PDPK1: variants seen among roughly 807,000 people sequenced by gnomAD.
PDPK1 encodes 3-phosphoinositide dependent protein kinase 1.
PDPK1 carries 7 observed loss-of-function variants against 39.8 expected under a neutral mutation model. The ratio of observed to expected loss-of-function variants is 0.18; its 90% CI spans 0.10 to 0.33. The LOEUF is 0.33. PDPK1 is among the 10% of genes least tolerant of loss of function. PDPK1 has a pLI of 1.00. For synonymous variants in PDPK1, 118 were observed against 159.1 expected, an observed-to-expected ratio of 0.74 and a Z score of 1.95; for missense variants, 182 against 384.7, an observed-to-expected ratio of 0.47 and a Z score of 4.41.
At chr16:2,539,078 CTTTTT>C (rs57517702) in intron 1 of PDPK1, 181 of 146,122 alleles carry the variant, frequency 1.2e-3, no homozygotes, top group South Asian at 3.1e-3. Flanking sequence ...CAGGATGCGG[CTTTTT>C]TTTTTTTTTT....
chr16:2,545,204 A>G (rs2066319078), intron 1 of PDPK1, among the ~76,000 whole-genome samples: 1 of 151,640 alleles, frequency 6.6e-6, no homozygotes, highest in South Asian at 2.1e-4. Context: ...GTCGTGGCTA[A>G]TTTTTGCATT....
Position 2,538,076 on chromosome 16 carries a change from G to C in PDPK1, c.-37G>C. On this transcript the variant is annotated 5_prime_UTR_variant, in exon 1 of 14. Transcript: ENST00000342085. ...CGCTGAGGAGGCGCCGAGCCGCGCA[G>C]CGCTGCGGGGGAGGCGCCCGCGCCG... 3 of 1,023,388 alleles carry C rather than the reference G, an allele frequency of 2.9e-6. No individual in the cohort carries two copies. Among genetic ancestry groups the C allele is most frequent in the Non-Finnish European group, 3.5e-6 (3 of 847,286 alleles). 63.4% of individuals were successfully genotyped at this position (1,023,388 alleles called of 1,614,324 possible). A position where few individuals can be genotyped will look rare whatever the true frequency, so the allele number is the denominator to read the frequency against.
In PDPK1 at chr16:2,595,945, C is replaced by T. The variant is rs111568637; in HGVS notation, c.1401+95C>T. On this transcript the variant is annotated intron_variant, in intron 12 of 13. Transcript: ENST00000342085. ...GCAGCTTGGTGGCGTGGAATCCTTC[C>T]ATCTCTTGATTTTCATCAGACATCA... 6,757 of 898,474 alleles carry T rather than the reference C, an allele frequency of 7.5e-3. 282 individuals are homozygous for T. The African/African-American group carries it at 0.091, about 12-fold the overall frequency. 55.7% of individuals were successfully genotyped at this position (898,474 alleles called of 1,614,324 possible). A position where few individuals can be genotyped will look rare whatever the true frequency, so the allele number is the denominator to read the frequency against.
At chr16:2,538,700 G>T (rs2066184651) in intron 1 of PDPK1, 1 of 1,286,124 alleles carries the variant, frequency 7.8e-7, no homozygotes, top group Admixed American at 2.3e-5. Flanking sequence ...GCCCGTGGCT[G>T]TGCTCAGCGT....
rs1262631074 is a variant in PDPK1 at position 2,538,065 on chromosome 16, C to T, written c.-48C>T. 8 of 962,528 alleles carry T rather than the reference C, an allele frequency of 8.3e-6. No individual in the cohort carries two copies. In the African/African-American group the frequency reaches 8.9e-5, roughly 11 times the overall value. The allele number at this position is 962,528 out of a possible 1,614,324, so 59.6% of individuals were successfully genotyped here. A position where few individuals can be genotyped will look rare whatever the true frequency, so the allele number is the denominator to read the frequency against. The stretch of plus-strand genomic sequence containing the variant: ...GGGGAGGAGGACGCTGAGGAGGCGC[C>T]GAGCCGCGCAGCGCTGCGGGGGAGG... On this transcript the variant is annotated 5_prime_UTR_variant, in exon 1 of 14. Coordinates refer to ENST00000342085, the MANE Select transcript of PDPK1 (RefSeq NM_002613.5).
rs139549673 is a variant in PDPK1 at position 2,585,815 on chromosome 16, G to T, written c.1126-861G>T. Among the ~76,000 whole-genome samples, 296 of 152,368 alleles carry T rather than the reference G, an allele frequency of 1.9e-3. 1 individual carries two copies. The highest frequency in any genetic ancestry group is 6.7e-3 in the African/African-American group (280 of 41,588). ...TGAACACATGGGGGACGCTGCATGT[G>T]TGGATGGTTGCGTGGGGCAGCAGCC... On this transcript the variant is annotated intron_variant, in intron 10 of 13. Transcript: ENST00000342085.
chr16:2,597,350 C>A lies in PDPK1; in HGVS notation c.1554+75C>A. 7.4e-7 allele frequency: 1 copy of A among 1,359,908 alleles called. No individual in the cohort carries two copies. Among genetic ancestry groups the A allele is most frequent in the Non-Finnish European group, 1.0e-6 (1 of 985,086 alleles). The allele number at this position is 1,359,908 out of a possible 1,614,324, so 84.2% of individuals were successfully genotyped here. A position where few individuals can be genotyped will look rare whatever the true frequency, so the allele number is the denominator to read the frequency against. On this transcript the variant is annotated intron_variant, in intron 13 of 13. Coordinates refer to ENST00000342085, the MANE Select transcript of PDPK1 (RefSeq NM_002613.5). This position sits in a 1 kb window ranked among gnomAD's most constrained non-coding sequence, Gnocchi z 6.3. ...GCACCACGTGGGAAGCAGCCACAGG[C>A]CTTGGCCAGAGGGAGCAGCGGGGAT...
At chr16:2,575,702 GC>G (rs2066693708) in intron 6 of PDPK1, 1 of 119,004 alleles carries the variant, frequency 8.4e-6, no homozygotes. Flanking sequence ...GGAGATCCGA[GC>G]CCGTAGCTCG....
At position 2,598,090 on chromosome 16, in the gene PDPK1, C is replaced by G. The variant is rs1478123899; in HGVS notation, c.*323C>G. On this transcript the variant is annotated 3_prime_UTR_variant, in exon 14 of 14. Transcript: ENST00000342085. ...GTCCCGCCCAGACTAGTGGACAGAC[C>G]TGGTGTCACCAGTTTTTCCTAGCAT... 2.6e-6 allele frequency: 1 copy of G among 381,810 alleles called. No homozygotes were observed. Among genetic ancestry groups the G allele is most frequent in the Admixed American group, 4.3e-5 (1 of 23,030 alleles). The allele number at this position is 381,810 out of a possible 1,614,324, so 23.7% of individuals were successfully genotyped here. A position where few individuals can be genotyped will look rare whatever the true frequency, so the allele number is the denominator to read the frequency against.
At chr16:2,595,613 T>C (rs1438262973) in intron 11 of PDPK1, among the ~76,000 whole-genome samples, 180 bp from the exon 12 acceptor site, 3 of 152,228 alleles carry the variant, frequency 2.0e-5, no homozygotes, top group African/African-American at 7.2e-5. Flanking sequence ...TAAGGCTCTC[T>C]GCGTGGCAGT....
intron 11 of PDPK1, among the ~76,000 whole-genome samples, chr16:2,591,233 G>T (rs535686224): frequency 6.6e-6 from 1 of 152,302 alleles, no homozygotes; most frequent in East Asian, 1.9e-4. Context: ...AAAGTGCTGG[G>T]ATTAGAGGCC....
intron 12 of PDPK1, among the ~76,000 whole-genome samples, chr16:2,596,808 G>A (rs1022986923): frequency 1.3e-5 from 2 of 152,266 alleles, no homozygotes; most frequent in African/African-American, 2.4e-5. Context: ...CAAGGATCTC[G>A]GTGCAGGTGG....
At chr16:2,590,919 G>A (rs1458299397) in intron 11 of PDPK1, among the ~76,000 whole-genome samples, 1 of 151,500 alleles carries the variant, frequency 6.6e-6, no homozygotes, top group Non-Finnish European at 1.5e-5. Flanking sequence ...AAAGTGGTGG[G>A]ATTACAGGCG....
At chr16:2,540,370 C>G (rs181387524) in intron 1 of PDPK1, among the ~76,000 whole-genome samples, 8 of 152,232 alleles carry the variant, frequency 5.3e-5, no homozygotes, top group Non-Finnish European at 1.0e-4. Context: ...TCCCTAGGTA[C>G]TTTCACACCT....
intron 11 of PDPK1, 64 bp downstream of exon 11, chr16:2,586,957 A>C: frequency 7.0e-7 from 1 of 1,419,542 alleles, no homozygotes; most frequent in Non-Finnish European, 9.9e-7. Flanking sequence ...GTGGGGGCTT[A>C]TGGTGGGTGC....
intron 2 of PDPK1, among the ~76,000 whole-genome samples, chr16:2,559,606 G>C (rs1390690869): frequency 6.7e-6 from 1 of 149,636 alleles, no homozygotes; most frequent in Non-Finnish European, 1.5e-5. Context: ...CTGTCACCTA[G>C]GCTGGAGTGC....
In PDPK1 at chr16:2,586,831, C is replaced by T; in HGVS notation, c.1281C>T (p.Asp427=). Residue 427 remains aspartate (D), a synonymous_variant, in exon 11 of 14, where the codon GAC becomes GAT. Transcript: ENST00000342085. ...HDLDSNSFEL[D]LQFSEDEKRL... is the part of the protein sequence containing the mutation. ...TGGACTCGAACTCCTTTGAACTGGA[C>T]TTACAGTTTTCCGAAGATGAGAAGA... 2 of 1,614,262 alleles carry T rather than the reference C, an allele frequency of 1.2e-6. No individual in the cohort carries two copies.
chr16:2,584,716 A>G (rs2066827433), intron 10 of PDPK1, among the ~76,000 whole-genome samples: 1 of 150,998 alleles, frequency 6.6e-6, no homozygotes, highest in Non-Finnish European at 1.5e-5. Context: ...AATTTCTGCT[A>G]GTGTCAAAGT....
intron 10 of PDPK1, among the ~76,000 whole-genome samples, chr16:2,585,711 G>A (rs2066857408): frequency 6.6e-6 from 1 of 152,238 alleles, no homozygotes; most frequent in South Asian, 2.1e-4. Context: ...CATGCCCGTT[G>A]GCGAGCACCT....
Sources: allele counts gnomAD v4.1 joint callset (sites outside exome capture counted in the v4.1 genomes callset), GRCh38; gene constraint gnomAD v4.1.1; non-coding constraint Gnocchi (gnomAD v3.1); transcripts MANE v1.5; gene names NCBI Gene and HGNC (gene_info 2026-07-23, HGNC 2026-07-21).